Variants in CCL26 observed in about 807,000 individuals in gnomAD.
CCL26 encodes the protein C-C motif chemokine ligand 26, also known as C-C motif chemokine 26.
Under a neutral mutation model 10.7 loss-of-function variants are expected in CCL26, and 10 were observed. That is an observed-to-expected ratio of 0.93 (90% CI 0.57 to 1.58). CCL26 has a LOEUF of 1.58. Ranked by LOEUF, CCL26 falls within the 40% of genes most tolerant of loss-of-function variation. The pLI, the probability that CCL26 is intolerant of heterozygous loss-of-function variation, is 0.00. For synonymous variants in CCL26, 43 were observed against 41.4 expected (o/e 1.04, Z -0.15); for missense variants, 116 against 111.0 (o/e 1.05, Z -0.20).
At chr7:75,781,431 C>G (rs1803061046) in intron 1 of CCL26, among the ~76,000 whole-genome samples, 1 of 152,196 alleles carries the variant, frequency 6.6e-6, no homozygotes, top group African/African-American at 2.4e-5. Context: ...ATTCAAGTGC[C>G]AGAAATCTGG....
intron 2 of CCL26, among the ~76,000 whole-genome samples, chr7:75,770,990 GT>G (rs1802809298): frequency 1.3e-5 from 2 of 152,196 alleles, no homozygotes; most frequent in South Asian, 4.1e-4. Flanking sequence ...ACAAAACTCG[GT>G]GATGCAAAAG....
rs140243583 is a variant in CCL26 at position 75,784,455 on chromosome 7, T to C, written c.-79+5262A>G. 1.8e-3 allele frequency among the ~76,000 whole-genome samples: 276 copies of C among 152,258 alleles called. 5 individuals are homozygous for C. In the East Asian group the frequency reaches 0.049, roughly 27 times the overall value. On this transcript the variant is annotated intron_variant, in intron 1 of 3. Coordinates refer to the CCL26 transcript ENST00000394905. ...CCTGGACCATCACAGATGCTTTGGGTAACTCTTACAGTGGAGAGTAAGTCG... is the reference window on the plus strand; with the variant it reads ...CCTGGACCATCACAGATGCTTTGGGCAACTCTTACAGTGGAGAGTAAGTCG...
chr7:75,789,086 T>C (rs1220677407), intron 1 of CCL26, among the ~76,000 whole-genome samples: 3 of 138,016 alleles, frequency 2.2e-5, no homozygotes, highest in African/African-American at 8.6e-5. Flanking sequence ...CGTGCCCAGT[T>C]CATTTTTTGA....
upstream of CCL26, among the ~76,000 whole-genome samples, chr7:75,775,787 C>G (rs1408848002): frequency 9.2e-5 from 14 of 152,088 alleles, no homozygotes; most frequent in Admixed American, 9.2e-4. Context: ...CCGCTGAAGC[C>G]ATGATCATGT....
chr7:75,779,002 A>G (rs1803003318), intron 1 of CCL26, among the ~76,000 whole-genome samples: 1 of 152,154 alleles, frequency 6.6e-6, no homozygotes, highest in Admixed American at 6.6e-5. Flanking sequence ...AAGAATCACA[A>G]AAGAAGTGAA....
chr7:75,769,738 C>T lies in CCL26; in HGVS notation c.240G>A (p.Trp80Ter). 1.2e-6 allele frequency: 2 copies of T among 1,613,004 alleles called. 1 individual carries two copies. The highest frequency in any genetic ancestry group is 1.7e-6 in the Non-Finnish European group (2 of 1,179,062). Residue 80 changes from tryptophan to a stop codon, truncating the protein, a stop_gained, in exon 3 of 3, where the codon TGG becomes TGA. Transcript: ENST00000005180. LOFTEE classifies it high-confidence loss of function. Reference sequence around the variant, plus strand: ...TCAGTAAAGAAATGTATTTTTGCACCCATTTTTTCCTTGGATGGGTACAGA... The same window carrying T: ...TCAGTAAAGAAATGTATTTTTGCACTCATTTTTTCCTTGGATGGGTACAGA... Reference protein sequence around the residue: ...KKVCTHPRKKWVQKYISLLKT... With the variant: ...KKVCTHPRKK
At chr7:75,788,487 C>T (rs1554530297) in intron 1 of CCL26, among the ~76,000 whole-genome samples, 3 of 152,136 alleles carry the variant, frequency 2.0e-5, no homozygotes, top group Non-Finnish European at 4.4e-5. Context: ...CTCAGCCCGC[C>T]TGCACCCAGG....
At chr7:75,787,994 T>C (rs1352620743) in intron 1 of CCL26, among the ~76,000 whole-genome samples, 1 of 152,048 alleles carries the variant, frequency 6.6e-6, no homozygotes, top group Non-Finnish European at 1.5e-5. Flanking sequence ...AAATCTTCCT[T>C]CAACTTAATC....
chr7:75,774,396 G>A (rs558525335), upstream of CCL26, among the ~76,000 whole-genome samples: 5 of 152,160 alleles, frequency 3.3e-5, no homozygotes, highest in South Asian at 1.0e-3. Context: ...TGATCCACCT[G>A]CCTCAGCCTC....
At chr7:75,781,271 G>A (rs1360759489) in intron 1 of CCL26, among the ~76,000 whole-genome samples, 1 of 152,204 alleles carries the variant, frequency 6.6e-6, no homozygotes, top group Non-Finnish European at 1.5e-5. Flanking sequence ...ATAGAGTAGA[G>A]GCAGCCAAGT....
chr7:75,772,766 A>G (rs1478358866), upstream of CCL26, among the ~76,000 whole-genome samples: 1 of 152,028 alleles, frequency 6.6e-6, no homozygotes, highest in African/African-American at 2.4e-5. Flanking sequence ...AATTTGGGAG[A>G]AGAGCAGGGG....
At chr7:75,790,754 G>T (rs1228241521), upstream of CCL26, among the ~76,000 whole-genome samples, 1 of 151,954 alleles carries the variant, frequency 6.6e-6, no homozygotes, top group African/African-American at 2.4e-5. Context: ...GACCAACCTG[G>T]CCAATGTGGT....
At chr7:75,783,025 G>A (rs140747395) in intron 1 of CCL26, among the ~76,000 whole-genome samples, 43 of 151,890 alleles carry the variant, frequency 2.8e-4, no homozygotes, top group Non-Finnish European at 5.3e-4. Context: ...CCTCACACCC[G>A]GTCTGGCTTA....
At chr7:75,790,037 CCA>C (rs1803290145), upstream of CCL26, 2 of 102,288 alleles carry the variant, frequency 2.0e-5, no homozygotes, top group Admixed American at 1.3e-4. Flanking sequence ...TTCCTTCCCT[CCA>C]TTCCTCCCTA....
chr7:75,772,180 G>C lies in CCL26; in HGVS notation c.-4C>G, dbSNP rs376910445. On this transcript the variant is annotated 5_prime_UTR_variant, in exon 1 of 3. Transcript: ENST00000005180. ...AGGCCAAGGAGAGGCCCATCATGAT[G>C]CTGCAAATCAGGCCCTTCTCAGGTT... 5.2e-6 allele frequency: 8 copies of C among 1,549,336 alleles called. No individual in the cohort carries two copies. The African/African-American group carries it at 9.6e-5, about 19-fold the overall frequency.
Position 75,771,878 on chromosome 7 carries a change from G to A in CCL26, c.188+11C>T. On this transcript the variant is annotated intron_variant, in intron 2 of 2. Coordinates refer to ENST00000005180, the MANE Select transcript of CCL26 (RefSeq NM_001371938.1). Reference sequence around the variant, plus strand: ...ATGGGGCCCCAGAAAGTACGTCCGAGAAATACTCACATCACAGCCCGCTGG... The same window carrying A: ...ATGGGGCCCCAGAAAGTACGTCCGAAAAATACTCACATCACAGCCCGCTGG... 1 of 1,591,084 alleles carries A rather than the reference G, an allele frequency of 6.3e-7. No individual in the cohort carries two copies. The highest frequency in any genetic ancestry group is 8.6e-7 in the Non-Finnish European group (1 of 1,159,028).
chr7:75,778,181 T>G (rs572479517), intron 1 of CCL26, among the ~76,000 whole-genome samples: 15 of 152,282 alleles, frequency 9.9e-5, no homozygotes, highest in Non-Finnish European at 1.8e-4. Flanking sequence ...GAGGGTTCCC[T>G]TGTCTCCACA....
chr7:75,785,955 G>C (rs1204471244), intron 1 of CCL26, among the ~76,000 whole-genome samples: 1 of 152,202 alleles, frequency 6.6e-6, no homozygotes, highest in Non-Finnish European at 1.5e-5. Flanking sequence ...TGCAGCGGCT[G>C]CTGCCACCCT....
intron 1 of CCL26, among the ~76,000 whole-genome samples, chr7:75,778,883 C>A (rs1803000917): frequency 1.3e-5 from 2 of 151,948 alleles, no homozygotes; most frequent in Admixed American, 1.3e-4. Flanking sequence ...GAGTTCAAGA[C>A]CAGCCTGACC....
Sources: allele counts gnomAD v4.1 joint callset (sites outside exome capture counted in the v4.1 genomes callset), GRCh38; gene constraint gnomAD v4.1.1; transcripts MANE v1.5; gene names NCBI Gene and HGNC (gene_info 2026-07-23, HGNC 2026-07-21).